Variants in PLEKHM2 observed in about 807,000 individuals in gnomAD.
PLEKHM2 encodes pleckstrin homology and RUN domain containing M2.
A neutral mutation model predicts 116.3 loss-of-function variants in PLEKHM2; 77 were observed. The observed-to-expected ratio is 0.66, with a 90% confidence interval of 0.55 to 0.80. The LOEUF (loss-of-function observed/expected upper bound fraction) is 0.80, where lower values mean the gene tolerates loss of function less well. Ranked by LOEUF, PLEKHM2 falls within the 30% of genes least tolerant of loss-of-function variation. The pLI is 0.00. For synonymous variants in PLEKHM2, 562 were observed against 571.0 expected, an observed-to-expected ratio of 0.98 and a Z score of 0.22; for missense variants, 1,183 against 1,354.9, an observed-to-expected ratio of 0.87 and a Z score of 1.99.
rs201370265 is a variant in PLEKHM2, at chr1:15,731,889, G to A, written c.2466G>A (p.Gly822=). ...DVIPLLSVNM[G]GEQCGGCRRA... is the part of the protein sequence containing the mutation. ...GTTTCACCCTCCTCCTCTGGCCCAGGGGGGAGCAGTGCGGTGGCTGCCGGA... is the reference window on the plus strand; with the variant it reads ...GTTTCACCCTCCTCCTCTGGCCCAGAGGGGAGCAGTGCGGTGGCTGCCGGA... The change falls in exon 17 of 20, where the codon GGG becomes GGA. Residue 822 remains glycine, a splice_region_variant and synonymous_variant. Transcript: ENST00000375799. The A allele has an allele frequency of 5.6e-6, 9 of 1,610,234 alleles. No homozygotes were observed. Among genetic ancestry groups the A allele is most frequent in the South Asian group, 1.1e-5 (1 of 90,666 alleles).
At position 15,729,115 on chromosome 1, in the gene PLEKHM2, A is replaced by G; in HGVS notation, c.2000A>G (p.Gln667Arg). 6.2e-7 allele frequency: 1 copy of G among 1,609,972 alleles called. No individual in the cohort carries two copies. Among genetic ancestry groups the G allele is most frequent in the Non-Finnish European group, 8.5e-7 (1 of 1,178,340 alleles). ...GGTTTCTGGCAGGTTGGCCTTGACC[A>G]GCAGACGGTGAAGCTGGTGTGCACC... ...ELDYVSVGLDQQTVKLVCTNR... is the reference protein window; with the variant it reads ...ELDYVSVGLDRQTVKLVCTNR... The change falls in exon 13 of 20, where the codon CAG becomes CGG. Residue 667 changes from glutamine (Q) to arginine (R), a missense_variant. Gln to Arg is a conservative substitution (Grantham distance 43). This residue lies in a region of PLEKHM2 where 594 missense variants were observed against 720.1 expected (regional missense o/e 0.82). Coordinates refer to ENST00000375799, the MANE Select transcript of PLEKHM2 (RefSeq NM_015164.4). This position sits in a 1 kb window ranked among gnomAD's most constrained non-coding sequence, Gnocchi z 4.7.
upstream of PLEKHM2, among the ~76,000 whole-genome samples, chr1:15,683,765 C>A (rs1219120626): frequency 7.2e-6 from 1 of 138,830 alleles, no homozygotes; most frequent in African/African-American, 2.8e-5. Context: ...TCTCTGAGGT[C>A]CCAGGGGGGA....
At chr1:15,706,371 G>A (rs991802356) in intron 1 of PLEKHM2, among the ~76,000 whole-genome samples, 3 of 151,538 alleles carry the variant, frequency 2.0e-5, no homozygotes, top group Admixed American at 6.6e-5. Flanking sequence ...CATTTCCTCA[G>A]GGAGATCTTC....
rs1640714855 is a variant in PLEKHM2 at position 15,684,411 on chromosome 1, G to GCGGGCGC, written c.-142_-136dup. On this transcript the variant is annotated 5_prime_UTR_variant, in exon 1 of 20. Transcript: ENST00000375799. ...GCCCAGGCGAGGCGAGGGCCGGGCG[G>GCGGGCGC]CGGGCGCCGGGCCCCGCGGCCGGCA... 1 of 250,610 alleles carries GCGGGCGC rather than the reference G, an allele frequency of 4.0e-6. No individual in the cohort carries two copies. 15.5% of individuals were successfully genotyped at this position (250,610 alleles called of 1,614,324 possible). A position where few individuals can be genotyped will look rare whatever the true frequency, so the allele number is the denominator to read the frequency against.
Position 15,730,525 on chromosome 1 carries a change from G to T in PLEKHM2, c.2209-7G>T. ...TGCTTTGTCCCCCGTGCCCGCCCCC[G>T]CATCAGGCATCTGCTGTCACCGTGC... On this transcript the variant is annotated splice_region_variant and splice_polypyrimidine_tract_variant and intron_variant, in intron 14 of 19. Transcript: ENST00000375799. 6.4e-7 allele frequency: 1 copy of T among 1,555,088 alleles called. No homozygotes were observed. The highest frequency in any genetic ancestry group is 8.7e-7 in the Non-Finnish European group (1 of 1,149,208).
chr1:15,721,406 GT>G lies in PLEKHM2; in HGVS notation c.712+20del. ...CTGGGAAGGTGGGCCAGAGTCCGCT[GT>G]TACCCTCTTTTCCTGTTTTGCAATG... On this transcript the variant is annotated intron_variant, in intron 7 of 19. Coordinates refer to ENST00000375799, the MANE Select transcript of PLEKHM2 (RefSeq NM_015164.4). The surrounding 1 kb of genome is among the most constrained non-coding windows in gnomAD (Gnocchi z 5.1). 6.6e-7 allele frequency: 1 copy of G among 1,522,424 alleles called. No individual in the cohort carries two copies. The highest frequency in any genetic ancestry group is 9.0e-7 in the Non-Finnish European group (1 of 1,116,466). The allele number at this position is 1,522,424 out of a possible 1,614,324, so 94.3% of individuals were successfully genotyped here. A position where few individuals can be genotyped will look rare whatever the true frequency, so the allele number is the denominator to read the frequency against.
intron 1 of PLEKHM2, among the ~76,000 whole-genome samples, chr1:15,686,902 G>A (rs1040620753): frequency 1.9e-4 from 29 of 152,058 alleles, no homozygotes; most frequent in African/African-American, 5.5e-4. Flanking sequence ...TGCCCGCTTC[G>A]GCCTCCCAAA....
At chr1:15,716,837 G>A (rs553965691) in intron 3 of PLEKHM2, 21 bp downstream of exon 3, 16 of 1,552,694 alleles carry the variant, frequency 1.0e-5, no homozygotes, top group Middle Eastern at 1.7e-4. Flanking sequence ...ACAAGGAGAC[G>A]CTGGGGAAGG....
intron 1 of PLEKHM2, among the ~76,000 whole-genome samples, chr1:15,703,800 T>C (rs1386728615): frequency 2.6e-5 from 4 of 152,146 alleles, no homozygotes; most frequent in African/African-American, 9.7e-5. Flanking sequence ...GAAGCAGTCT[T>C]GTGACGCCCA....
rs2068090800 is a variant in PLEKHM2 at position 15,728,145 on chromosome 1, C to T, written c.1827C>T (p.Phe609=). The change falls in exon 10 of 20, where the codon TTC becomes TTT. Residue 609 remains phenylalanine (F), a synonymous_variant. Coordinates refer to ENST00000375799, the MANE Select transcript of PLEKHM2 (RefSeq NM_015164.4). This position sits in a 1 kb window ranked among gnomAD's most constrained non-coding sequence, Gnocchi z 5.9. ...TCCGAGAAAACGAAGAGCAGCTGTTCAAAGTAAGTCCTAGGAACTCAGGAG... is the reference window on the plus strand; with the variant it reads ...TCCGAGAAAACGAAGAGCAGCTGTTTAAAGTAAGTCCTAGGAACTCAGGAG... The part of the protein sequence containing the change: ...HVFRENEEQL[F]KMIRMSTGHM... The T allele has an allele frequency of 6.2e-7, 1 of 1,610,404 alleles. No individual in the cohort carries two copies.
intron 2 of PLEKHM2, 77 bp from the exon 3 acceptor site, chr1:15,716,630 C>T (rs945748694): frequency 3.2e-5 from 47 of 1,457,182 alleles, no homozygotes; most frequent in Middle Eastern, 1.9e-4. Flanking sequence ...GCCTTGCGCT[C>T]ACTGCTGGAC....
At chr1:15,690,952 G>A (rs1484355401) in intron 1 of PLEKHM2, among the ~76,000 whole-genome samples, 1 of 152,222 alleles carries the variant, frequency 6.6e-6, no homozygotes, top group African/African-American at 2.4e-5. Context: ...AAAGCAATGT[G>A]ATAAAGAATT....
At chr1:15,693,176 G>T (rs1437160097) in intron 1 of PLEKHM2, among the ~76,000 whole-genome samples, 1 of 151,082 alleles carries the variant, frequency 6.6e-6, no homozygotes, top group Non-Finnish European at 1.5e-5. Context: ...GAGTAGCTAG[G>T]ATTACAGGTG....
Position 15,727,869 on chromosome 1 carries a change from G to A in PLEKHM2, c.1760+37G>A. The stretch of plus-strand genomic sequence containing the variant: ...CTGCAGCTGGCATGGGACTCTCCCA[G>A]CCCTTGAAGCTGGGGACACTGTGCC... On this transcript the variant is annotated intron_variant, in intron 9 of 19. Coordinates refer to ENST00000375799, the MANE Select transcript of PLEKHM2 (RefSeq NM_015164.4). This position sits in a 1 kb window ranked among gnomAD's most constrained non-coding sequence, Gnocchi z 7.5. 1 of 1,468,756 alleles carries A rather than the reference G, an allele frequency of 6.8e-7. No individual in the cohort carries two copies. The allele number at this position is 1,468,756 out of a possible 1,614,324, so 91.0% of individuals were successfully genotyped here.
Position 15,719,933 on chromosome 1 carries a change from A to G in PLEKHM2, c.652+13A>G. 1 of 1,604,124 alleles carries G rather than the reference A, an allele frequency of 6.2e-7. No individual in the cohort carries two copies. The highest frequency in any genetic ancestry group is 8.5e-7 in the Non-Finnish European group (1 of 1,173,590). On this transcript the variant is annotated intron_variant, in intron 6 of 19. Coordinates refer to ENST00000375799, the MANE Select transcript of PLEKHM2 (RefSeq NM_015164.4). This position sits in a 1 kb window ranked among gnomAD's most constrained non-coding sequence, Gnocchi z 4.1. ...CCATCTAGTGAGGGTGAGTGGCCCC[A>G]GGGCAGAAAAGCTAAGCCCCTGTTG... is the stretch of plus-strand genomic sequence containing the variant.
At chr1:15,716,428 C>T in intron 2 of PLEKHM2, 85 bp downstream of exon 2, 1 of 841,868 alleles carries the variant, frequency 1.2e-6, no homozygotes, top group Non-Finnish European at 1.9e-6. Flanking sequence ...GCCTCTCTGC[C>T]TTTTCTTTCT....
chr1:15,700,663 C>T (rs1221985947), intron 1 of PLEKHM2, among the ~76,000 whole-genome samples: 1 of 152,226 alleles, frequency 6.6e-6, no homozygotes, highest in Non-Finnish European at 1.5e-5. Context: ...CCAGGAAACT[C>T]TGCTTCCTAA....
intron 1 of PLEKHM2, among the ~76,000 whole-genome samples, chr1:15,690,337 G>A (rs1218688129): frequency 2.0e-5 from 3 of 152,082 alleles, no homozygotes; most frequent in East Asian, 1.9e-4. Context: ...AAGTACAGTC[G>A]TGAGCCACTG....
intron 19 of PLEKHM2, 96 bp from the exon 20 acceptor site, chr1:15,733,701 C>T (rs775095154): frequency 2.5e-4 from 343 of 1,371,374 alleles, no homozygotes; most frequent in Non-Finnish European, 3.2e-4. Context: ...ACAGGGGCTC[C>T]GTGGCCAAGG....
Sources: allele counts gnomAD v4.1 joint callset (sites outside exome capture counted in the v4.1 genomes callset), GRCh38; gene constraint gnomAD v4.1.1; regional missense constraint gnomAD v4.1.1; non-coding constraint Gnocchi (gnomAD v3.1); transcripts MANE v1.5; gene names NCBI Gene and HGNC (gene_info 2026-07-23, HGNC 2026-07-21).